The following SEMA3D variants were observed in gnomAD, a reference collection of about 807,000 sequenced individuals.
SEMA3D encodes semaphorin-3D.
SEMA3D carries 84 observed loss-of-function variants against 100.1 expected under a neutral mutation model. The ratio of observed to expected loss-of-function variants is 0.84; its 90% CI spans 0.70 to 1.01. The LOEUF is 1.01. SEMA3D is among the 50% of genes least tolerant of loss of function. The probability of loss-of-function intolerance (pLI) is 0.00; values close to 1 mark genes in which losing one functional copy is unlikely to be tolerated. For missense variants in SEMA3D, 875 were observed against 934.1 expected, an observed-to-expected ratio of 0.94 and a Z score of 0.82; for synonymous variants, 312 against 320.7, an observed-to-expected ratio of 0.97 and a Z score of 0.29.
chr7:85,203,507 C>A, the SEMA3D span, among the ~76,000 whole-genome samples: 1 of 152,052 alleles, frequency 6.6e-6, no homozygotes. Flanking sequence ...GTTAACAGGG[C>A]TTTTGAGCAA....
chr7:85,088,321 C>A (rs1322948901), intron 4 of SEMA3D, among the ~76,000 whole-genome samples: 2 of 152,100 alleles, frequency 1.3e-5, no homozygotes, highest in Non-Finnish European at 2.9e-5. Flanking sequence ...TTTGGAGAAG[C>A]AATTTAATTG....
the SEMA3D span, among the ~76,000 whole-genome samples, chr7:85,249,486 T>C: frequency 6.6e-6 from 1 of 152,194 alleles, no homozygotes; most frequent in Non-Finnish European, 1.5e-5. Flanking sequence ...GGTTACCAAT[T>C]ACACCCAGTC....
chr7:85,092,089 C>A (rs533552371), intron 4 of SEMA3D, among the ~76,000 whole-genome samples: 59 of 152,102 alleles, frequency 3.9e-4, no homozygotes, highest in African/African-American at 1.4e-3. Flanking sequence ...ACAACAAACC[C>A]CAAGTTCCAA....
At chr7:85,089,501 G>A (rs560076290) in intron 4 of SEMA3D, among the ~76,000 whole-genome samples, 8 of 152,198 alleles carry the variant, frequency 5.3e-5, no homozygotes, top group African/African-American at 1.9e-4. Context: ...AAGACACTAT[G>A]AGCATGAATG....
the SEMA3D span, among the ~76,000 whole-genome samples, chr7:85,220,849 G>C: frequency 7.2e-5 from 11 of 152,138 alleles, no homozygotes; most frequent in African/African-American, 2.2e-4. Context: ...ACAATCAGTT[G>C]GTTCAGGTCA....
At chr7:85,058,932 G>A (rs1791401353) in intron 8 of SEMA3D, among the ~76,000 whole-genome samples, 1 of 152,014 alleles carries the variant, frequency 6.6e-6, no homozygotes, top group East Asian at 1.9e-4. Context: ...AATAAGAACT[G>A]ACACTCTATA....
intron 3 of SEMA3D, among the ~76,000 whole-genome samples, chr7:85,121,295 T>G (rs1789406356): frequency 6.6e-6 from 1 of 152,172 alleles, no homozygotes; most frequent in African/African-American, 2.4e-5. Context: ...TTTAAACCTT[T>G]CACATTGTCT....
intron 12 of SEMA3D, chr7:85,028,754 G>GA (rs1790462358): frequency 4.9e-6 from 1 of 204,398 alleles, no homozygotes; most frequent in Non-Finnish European, 1.0e-5. Flanking sequence ...TGCTGAGCCT[G>GA]TTCTGTGGCA....
chr7:85,133,095 CT>C (rs1789771949), intron 2 of SEMA3D, among the ~76,000 whole-genome samples: 1 of 151,924 alleles, frequency 6.6e-6, no homozygotes, highest in Non-Finnish European at 1.5e-5. Flanking sequence ...TAAAAAAAAC[CT>C]CTCTGGTCTT....
chr7:85,173,841 C>T (rs1791151918), intron 1 of SEMA3D, among the ~76,000 whole-genome samples: 1 of 152,112 alleles, frequency 6.6e-6, no homozygotes, highest in Admixed American at 6.6e-5. Context: ...AGTATCTGGA[C>T]CCAGGATGTC....
chr7:85,049,531 AC>A (rs1791102407), intron 9 of SEMA3D, among the ~76,000 whole-genome samples: 1 of 151,808 alleles, frequency 6.6e-6, no homozygotes, highest in Admixed American at 6.6e-5. Context: ...GCTGTAGCAA[AC>A]AGTATAAACC....
chr7:85,140,362 C>T (rs563257077), intron 2 of SEMA3D: 1 of 976,120 alleles, frequency 1.0e-6, no homozygotes, highest in African/African-American at 1.8e-5. Context: ...GGTTTACATC[C>T]AGCCAGTAGA....
intron 3 of SEMA3D, among the ~76,000 whole-genome samples, chr7:85,104,843 T>C (rs907368886): frequency 6.6e-6 from 1 of 151,884 alleles, no homozygotes; most frequent in Non-Finnish European, 1.5e-5. Context: ...GAACATTTTA[T>C]GAAAGACAGA....
the SEMA3D span, among the ~76,000 whole-genome samples, chr7:85,224,919 G>A: frequency 6.6e-6 from 1 of 151,194 alleles, no homozygotes; most frequent in Non-Finnish European, 1.5e-5. Context: ...GTTTCATTCT[G>A]AGCAGTTTGT....
chr7:85,173,809 A>C (rs1481355753), intron 1 of SEMA3D, among the ~76,000 whole-genome samples: 1 of 152,160 alleles, frequency 6.6e-6, no homozygotes, highest in African/African-American at 2.4e-5. Context: ...CCTGAATCAC[A>C]CAACTAAGAG....
At chr7:85,139,300 T>C (rs984494552) in intron 2 of SEMA3D, among the ~76,000 whole-genome samples, 2 of 152,098 alleles carry the variant, frequency 1.3e-5, no homozygotes, top group African/African-American at 4.8e-5. Context: ...CTGGGTTAAA[T>C]GTTACTAATA....
At position 85,121,843 on chromosome 7, in the gene SEMA3D, G is replaced by A; in HGVS notation, c.49C>T (p.His17Tyr). 6.2e-7 allele frequency: 1 copy of A among 1,605,356 alleles called. No homozygotes were observed. The highest frequency in any genetic ancestry group is 2.2e-5 in the East Asian group (1 of 44,642). Residue 17 changes from histidine to tyrosine, a missense_variant, in exon 3 of 19, where the codon CAC (histidine) becomes TAC (tyrosine). By Grantham distance (83) the His-to-Tyr change is moderately conservative (BLOSUM62 2). Coordinates refer to ENST00000284136, the MANE Select transcript of SEMA3D (RefSeq NM_001384900.1). ...AGCATCATCAAAGCAGGAAAAAGGT[G>A]AAAATCTTGGCTTCTGGCTTTAAGT... is the stretch of plus-strand genomic sequence containing the variant. Reference protein sequence around the residue: ...ERLKARSQDFHLFPALMMLSM... With the variant: ...ERLKARSQDFYLFPALMMLSM...
intron 7 of SEMA3D, among the ~76,000 whole-genome samples, chr7:85,067,666 G>T (rs1341071718): frequency 1.3e-5 from 2 of 152,148 alleles, no homozygotes; most frequent in Non-Finnish European, 2.9e-5. Flanking sequence ...TCTCATAAGA[G>T]AATTTAAGAT....
At chr7:85,182,461 T>C (rs1211298490) in intron 1 of SEMA3D, among the ~76,000 whole-genome samples, 2 of 152,154 alleles carry the variant, frequency 1.3e-5, no homozygotes, top group Non-Finnish European at 2.9e-5. Flanking sequence ...TATACTTCAA[T>C]AGTATTTAGA....
Sources: allele counts gnomAD v4.1 joint callset (sites outside exome capture counted in the v4.1 genomes callset), GRCh38; gene constraint gnomAD v4.1.1; transcripts MANE v1.5; gene names NCBI Gene and HGNC (gene_info 2026-07-23, HGNC 2026-07-21).